Variants in BSPH1 observed in about 807,000 individuals in gnomAD.
BSPH1 encodes the protein binder of sperm protein homolog 1, also known as binder of sperm 1.
In BSPH1, 21 loss-of-function variants were observed where a neutral mutation model predicts 22.5. The ratio of observed to expected loss-of-function variants is 0.93; its 90% confidence interval spans 0.66 to 1.35. The LOEUF is 1.35. BSPH1 is among the 40% of genes most tolerant of loss of function. BSPH1 has a pLI of 0.00. For missense variants in BSPH1, 141 were observed against 154.2 expected (o/e 0.91, Z 0.45); for synonymous variants, 42 against 53.6 (o/e 0.78, Z 0.95).
At chr19:47,990,049 G>A (rs1208422110) in intron 1 of BSPH1, among the ~76,000 whole-genome samples, 1 of 150,944 alleles carries the variant, frequency 6.6e-6, no homozygotes, top group Non-Finnish European at 1.5e-5. Context: ...AATCTGGGAG[G>A]CTGAGGTTGC....
chr19:47,976,728 C>T lies in BSPH1; in HGVS notation c.383G>A (p.Trp128Ter), dbSNP rs1407835135. The T allele has an allele frequency of 1.3e-6, 2 of 1,551,828 alleles. No homozygotes were observed. Among genetic ancestry groups the T allele is most frequent in the South Asian group, 2.4e-5 (2 of 84,050 alleles). The change falls in exon 5 of 6, where the codon TGG (tryptophan) becomes TAG (stop). Residue 128 changes from tryptophan (W) to a stop codon, truncating the protein, a stop_gained. Coordinates refer to ENST00000344839, the MANE Select transcript of BSPH1 (RefSeq NM_001128326.2). LOFTEE classifies it high-confidence loss of function. The stretch of plus-strand genomic sequence containing the variant: ...ATCTCACCATCATTCACAGTATTTC[C>T]AAATTCGGTCCTTGTTAAAATTCTT... ...LTKNFNKDRI[W>*]KYCE
chr19:47,981,021 A>G lies in BSPH1; in HGVS notation c.74-80T>C, dbSNP rs1969415066. 4 of 766,460 alleles carry G rather than the reference A, an allele frequency of 5.2e-6. No homozygotes were observed. In the East Asian group the frequency reaches 1.2e-4, roughly 23 times the overall value. 47.5% of individuals were successfully genotyped at this position (766,460 alleles called of 1,614,324 possible). On this transcript the variant is annotated intron_variant, in intron 1 of 5. Coordinates refer to ENST00000344839, the MANE Select transcript of BSPH1 (RefSeq NM_001128326.2). Reference sequence around the variant, plus strand: ...AAAGGATTTCACCAATTTCTATTCTAGTAAGAATAATACTATTTTGAAAGT... The same window carrying G: ...AAAGGATTTCACCAATTTCTATTCTGGTAAGAATAATACTATTTTGAAAGT...
intron 5 of BSPH1, among the ~76,000 whole-genome samples, chr19:47,968,876 G>A (rs1226152833): frequency 6.6e-6 from 1 of 151,426 alleles, no homozygotes; most frequent in African/African-American, 2.4e-5. Context: ...GCGTGCACCT[G>A]TAGTCCCAGC....
At chr19:47,968,279 C>T (rs189310819) in intron 5 of BSPH1, 70 bp from the exon 6 acceptor site, 1 of 152,200 alleles carries the variant, frequency 6.6e-6, no homozygotes, top group African/African-American at 2.4e-5. Flanking sequence ...TGCTCATTCT[C>T]TGCCAGGTAC....
chr19:47,978,001 G>GATATATATAT (rs10609973), intron 3 of BSPH1, among the ~76,000 whole-genome samples: 6,496 of 109,778 alleles, frequency 0.059, 261 homozygotes, highest in Non-Finnish European at 0.067. Context: ...GTTAATACAG[G>GATATATATAT]ATATATATAT....
At position 47,977,346 on chromosome 19, in the gene BSPH1, T is replaced by G. The variant is rs180992446; in HGVS notation, c.256+27A>C. ...GCCTCAGAGACCAAGATTACTGCTC[T>G]GAGGTATTTAGAGACAGGACACTCA... On this transcript the variant is annotated intron_variant, in intron 4 of 5. Coordinates refer to ENST00000344839, the MANE Select transcript of BSPH1 (RefSeq NM_001128326.2). The G allele has an allele frequency of 6.0e-5, 92 of 1,535,354 alleles. No individual in the cohort carries two copies. The East Asian group carries it at 1.7e-3, about 29-fold the overall frequency.
chr19:47,982,755 A>G (rs1339882507), intron 1 of BSPH1, among the ~76,000 whole-genome samples: 1 of 152,226 alleles, frequency 6.6e-6, no homozygotes, highest in African/African-American at 2.4e-5. Context: ...GACACATACA[A>G]TGGAGTATTA....
intron 1 of BSPH1, among the ~76,000 whole-genome samples, chr19:47,983,493 A>G (rs572743330): frequency 6.6e-6 from 1 of 152,298 alleles, no homozygotes; most frequent in South Asian, 2.1e-4. Context: ...GCTAAGCACT[A>G]TGATCTTAGA....
intron 5 of BSPH1, among the ~76,000 whole-genome samples, chr19:47,973,729 G>C (rs1040249597): frequency 2.6e-5 from 4 of 152,098 alleles, no homozygotes; most frequent in African/African-American, 9.7e-5. Flanking sequence ...CACGCGGGGA[G>C]GGCGCCATCT....
chr19:47,978,943 CT>C (rs1330830016), intron 3 of BSPH1, among the ~76,000 whole-genome samples: 2 of 152,168 alleles, frequency 1.3e-5, no homozygotes, highest in Non-Finnish European at 2.9e-5. Context: ...AATAAATCAC[CT>C]GTACATTTAA....
chr19:47,984,904 G>A (rs747923740), intron 1 of BSPH1, among the ~76,000 whole-genome samples: 9 of 151,816 alleles, frequency 5.9e-5, no homozygotes, highest in African/African-American at 1.9e-4. Context: ...ATGAAATCCC[G>A]TCTCTACTAA....
intron 5 of BSPH1, among the ~76,000 whole-genome samples, chr19:47,971,117 T>C (rs1969307167): frequency 6.6e-6 from 1 of 152,134 alleles, no homozygotes; most frequent in African/African-American, 2.4e-5. Context: ...TCTAAAGCAT[T>C]ATCACTGGGA....
chr19:47,969,736 G>A (rs1969293758), intron 5 of BSPH1, among the ~76,000 whole-genome samples: 1 of 119,072 alleles, frequency 8.4e-6, no homozygotes, highest in South Asian at 3.2e-4. Flanking sequence ...ACTTTAGAAT[G>A]TATGTGTGTG....
At chr19:47,977,746 G>T in intron 3 of BSPH1, 1 of 907,124 alleles carries the variant, frequency 1.1e-6, no homozygotes, top group Non-Finnish European at 1.3e-6. Flanking sequence ...ATTTTGCTTA[G>T]CATTTGCCCC....
At chr19:47,983,129 CCATCAACCCACT>C (rs1328942987) in intron 1 of BSPH1, among the ~76,000 whole-genome samples, 1 of 152,168 alleles carries the variant, frequency 6.6e-6, no homozygotes, top group Non-Finnish European at 1.5e-5. Flanking sequence ...TTCAGCCAGT[CCATCAACCCACT>C]CATGTAGACA....
At chr19:47,991,903 CTT>C (rs1966875770) in intron 1 of BSPH1, 104 bp downstream of exon 1, 1 of 684,636 alleles carries the variant, frequency 1.5e-6, no homozygotes, top group Non-Finnish European at 2.5e-6. Flanking sequence ...CCTTCCTCCT[CTT>C]CTTTCATCTT....
At chr19:47,978,577 GC>G (rs1180879382) in intron 3 of BSPH1, among the ~76,000 whole-genome samples, 1 of 152,186 alleles carries the variant, frequency 6.6e-6, no homozygotes, top group East Asian at 1.9e-4. Context: ...AAGCAAGGTT[GC>G]AAGGACACAA....
chr19:47,980,198 A>AT (rs1969405211), intron 2 of BSPH1, among the ~76,000 whole-genome samples: 3 of 74,858 alleles, frequency 4.0e-5, no homozygotes, highest in African/African-American at 2.2e-4. Flanking sequence ...TTAGTATTAG[A>AT]TTAAAAATAA....
chr19:47,977,829 G>GCCC (rs1969379945), intron 3 of BSPH1: 1 of 230,422 alleles, frequency 4.3e-6, no homozygotes, highest in South Asian at 1.6e-4. Flanking sequence ...CTTCCCCCCT[G>GCCC]CCCCTGGATC....
Sources: gnomAD v4.1 joint callset for allele counts (sites outside exome capture counted in the v4.1 genomes callset) on GRCh38, gnomAD v4.1.1 for gene constraint, MANE v1.5 for transcripts, NCBI Gene and HGNC (gene_info 2026-07-23, HGNC 2026-07-21) for gene names.